Variants in LMNTD1 observed in about 807,000 individuals in gnomAD.
LMNTD1 encodes lamin tail domain-containing protein 1.
In LMNTD1, 35 loss-of-function variants were observed where a neutral mutation model predicts 50.9. The observed-to-expected ratio is 0.69, with a 90% CI of 0.53 to 0.91. The LOEUF (loss-of-function observed/expected upper bound fraction) is 0.91. Among genes scored for constraint, LMNTD1 ranks in the 40% least tolerant of loss-of-function variants. The probability of loss-of-function intolerance (pLI) is 0.00; values close to 1 mark genes in which losing one functional copy is unlikely to be tolerated. For synonymous variants in LMNTD1, 153 were observed against 161.9 expected, an observed-to-expected ratio of 0.94 and a Z score of 0.42; for missense variants, 470 against 475.5, an observed-to-expected ratio of 0.99 and a Z score of 0.11.
At chr12:25,631,304 C>T (rs1265739223) in intron 1 of LMNTD1, among the ~76,000 whole-genome samples, 1 of 152,244 alleles carries the variant, frequency 6.6e-6, no homozygotes, top group Non-Finnish European at 1.5e-5. Flanking sequence ...CTGATGCTCT[C>T]TGGAAAGCGC....
At chr12:25,546,623 A>T in intron 3 of LMNTD1, 69 bp from the exon 4 acceptor site, 1 of 940,816 alleles carries the variant, frequency 1.1e-6, no homozygotes, top group African/African-American at 1.7e-5. Flanking sequence ...AAGGACCTAA[A>T]GCCATTATCT....
rs115765306 is a variant in LMNTD1, at chr12:25,526,079, G to T, written c.798+20C>A. ...CAATATTTAAAAAAAAAAAACGATT[G>T]TTAAGAACCAGAAACTAACTTGACC... On this transcript the variant is annotated intron_variant, in intron 6 of 9. Coordinates refer to ENST00000458174, the MANE Select transcript of LMNTD1 (RefSeq NM_001145728.2). 5,314 of 1,525,798 alleles carry T rather than the reference G, an allele frequency of 3.5e-3. 178 individuals carry two copies. The African/African-American group carries it at 0.066, about 19-fold the overall frequency. 94.5% of individuals were successfully genotyped at this position (1,525,798 alleles called of 1,614,324 possible). A position where few individuals can be genotyped will look rare whatever the true frequency, so the allele number is the denominator to read the frequency against.
At chr12:25,626,841 C>G (rs1946601291) in intron 1 of LMNTD1, among the ~76,000 whole-genome samples, 1 of 152,158 alleles carries the variant, frequency 6.6e-6, no homozygotes, top group Admixed American at 6.5e-5. Context: ...TAAGCTTGAC[C>G]ATCACTTGAG....
chr12:25,541,575 A>T (rs1233894676), intron 4 of LMNTD1, among the ~76,000 whole-genome samples: 5 of 75,344 alleles, frequency 6.6e-5, no homozygotes. Flanking sequence ...TCAATTCAAG[A>T]TGGATTAAAG....
chr12:25,555,312 T>C (rs1197588308), upstream of LMNTD1, among the ~76,000 whole-genome samples: 1 of 152,154 alleles, frequency 6.6e-6, no homozygotes, highest in Admixed American at 6.5e-5. Context: ...ATACAACTTA[T>C]TGGACAGAGA....
At chr12:25,630,104 G>A (rs1433686048) in intron 1 of LMNTD1, among the ~76,000 whole-genome samples, 3 of 152,100 alleles carry the variant, frequency 2.0e-5, no homozygotes, top group African/African-American at 7.2e-5. Flanking sequence ...AGTGGTTAGG[G>A]TGCCTGCACA....
chr12:25,558,262 A>G (rs1234035276), upstream of LMNTD1, among the ~76,000 whole-genome samples: 1 of 151,950 alleles, frequency 6.6e-6, no homozygotes, highest in Non-Finnish European at 1.5e-5. Context: ...TATTGTTTTC[A>G]TTTCAGTTTC....
At chr12:25,624,920 T>G (rs1003596675) in intron 1 of LMNTD1, among the ~76,000 whole-genome samples, 2 of 152,240 alleles carry the variant, frequency 1.3e-5, no homozygotes, top group Non-Finnish European at 1.5e-5. Context: ...GCAAACTTTT[T>G]ATTATTTTTC....
At chr12:25,529,923 G>A (rs1300128307) in intron 4 of LMNTD1, among the ~76,000 whole-genome samples, 2 of 152,090 alleles carry the variant, frequency 1.3e-5, no homozygotes, top group Non-Finnish European at 2.9e-5. Flanking sequence ...CCTTGCAAGA[G>A]CATGATTCAT....
intron 1 of LMNTD1, among the ~76,000 whole-genome samples, chr12:25,603,545 T>C (rs932152408): frequency 6.6e-6 from 1 of 151,990 alleles, no homozygotes; most frequent in Non-Finnish European, 1.5e-5. Flanking sequence ...TTTTTTAAGT[T>C]GGAAGGCCCC....
rs140822166 is a variant in LMNTD1, at chr12:25,644,056, T to C, written c.58+4438A>G. Among the ~76,000 whole-genome samples, 620 of 152,180 alleles carry C rather than the reference T, an allele frequency of 4.1e-3. 1 individual carries two copies. Among genetic ancestry groups the C allele is most frequent in the African/African-American group, 0.014 (580 of 41,512 alleles). ...GAGAGAAAAGTTTTCCATGAAGGAA[T>C]TGGACAGCTGGATCAGTTGTGGCTG... On this transcript the variant is annotated intron_variant, in intron 1 of 7. Coordinates refer to the LMNTD1 transcript ENST00000445693.
chr12:25,567,248 T>C (rs1944591597), intron 1 of LMNTD1, among the ~76,000 whole-genome samples: 1 of 152,164 alleles, frequency 6.6e-6, no homozygotes, highest in Non-Finnish European at 1.5e-5. Context: ...AACTTAGACA[T>C]CTTTATTTTC....
intron 8 of LMNTD1, among the ~76,000 whole-genome samples, chr12:25,507,902 C>T (rs73298404): frequency 0.071 from 10,747 of 152,140 alleles, 452 homozygotes; most frequent in Middle Eastern, 0.099. Flanking sequence ...AATTAATTCC[C>T]AAGACACTGC....
intron 9 of LMNTD1, among the ~76,000 whole-genome samples, chr12:25,484,270 T>C (rs1278571665): frequency 6.6e-6 from 1 of 151,976 alleles, no homozygotes. Context: ...TTTTCGTTTT[T>C]TTGTTGTTTT....
chr12:25,638,258 T>C (rs888054948), intron 1 of LMNTD1, among the ~76,000 whole-genome samples: 1 of 152,060 alleles, frequency 6.6e-6, no homozygotes. Flanking sequence ...ACAGAATGTT[T>C]TCCCTCTAAG....
Position 25,520,139 on chromosome 12 carries a change from GATATACATATATATATAT to G in LMNTD1, c.799-82_799-65del, listed in dbSNP as rs1373505913. ...TGAGGTTTACAACATGCTGTTATGAGATATACATATATATATATATATATATATATATATATAGTAAAA... is the reference window on the plus strand; with the variant it reads ...TGAGGTTTACAACATGCTGTTATGAGATATATATATATATATATAGTAAAA... On this transcript the variant is annotated intron_variant, in intron 6 of 9. Coordinates refer to ENST00000458174, the MANE Select transcript of LMNTD1 (RefSeq NM_001145728.2). 3.4e-3 allele frequency: 516 copies of G among 152,454 alleles called. 155 individuals are homozygous for G. The South Asian group carries it at 0.055, about 16-fold the overall frequency. 9.4% of individuals were successfully genotyped at this position (152,454 alleles called of 1,614,324 possible). A position where few individuals can be genotyped will look rare whatever the true frequency, so the allele number is the denominator to read the frequency against.
chr12:25,568,321 C>A (rs573615715), intron 1 of LMNTD1, among the ~76,000 whole-genome samples: 57 of 152,218 alleles, frequency 3.7e-4, no homozygotes, highest in Non-Finnish European at 7.2e-4. Flanking sequence ...TAACATCCTA[C>A]TTTCAGATGT....
chr12:25,644,313 C>CAAAAAAAAA (rs59091210), intron 1 of LMNTD1, among the ~76,000 whole-genome samples: 2 of 82,088 alleles, frequency 2.4e-5, no homozygotes, highest in Non-Finnish European at 4.4e-5. Flanking sequence ...CCTTTCTCTA[C>CAAAAAAAAA]AAAAAAAAAA....
chr12:25,618,595 G>C (rs1946397195), intron 1 of LMNTD1, among the ~76,000 whole-genome samples: 1 of 152,112 alleles, frequency 6.6e-6, no homozygotes, highest in Admixed American at 6.6e-5. Flanking sequence ...GAGACTGTGG[G>C]AGGGGCTGGC....
Sources: gnomAD v4.1 joint callset for allele counts (sites outside exome capture counted in the v4.1 genomes callset) on GRCh38, gnomAD v4.1.1 for gene constraint, MANE v1.5 for transcripts, NCBI Gene and HGNC (gene_info 2026-07-23, HGNC 2026-07-21) for gene names.